Variants in TNRC6B observed in about 807,000 individuals in gnomAD.
The protein encoded by TNRC6B is trinucleotide repeat-containing gene 6B protein.
In TNRC6B, 52 loss-of-function variants were observed where a neutral mutation model predicts 203.6. That is an observed-to-expected ratio of 0.26 (90% CI 0.20 to 0.32). TNRC6B has a LOEUF of 0.32. Among genes scored for constraint, TNRC6B ranks in the 10% least tolerant of loss-of-function variants. The pLI is 1.00. For missense variants in TNRC6B, 1,923 were observed against 2,286.2 expected (o/e 0.84, Z 3.24); for synonymous variants, 838 against 845.7 (o/e 0.99, Z 0.16).
At chr22:40,200,176 C>G (rs903396848) in intron 1 of TNRC6B, among the ~76,000 whole-genome samples, 1 of 151,634 alleles carries the variant, frequency 6.6e-6, no homozygotes, top group Non-Finnish European at 1.5e-5. Flanking sequence ...GACAACTTCC[C>G]CTCAATGGTT....
intron 1 of TNRC6B, among the ~76,000 whole-genome samples, chr22:40,216,669 AT>A (rs1328429565): frequency 6.6e-6 from 1 of 152,146 alleles, no homozygotes; most frequent in Non-Finnish European, 1.5e-5. Context: ...GTTCTTTCTA[AT>A]TTTTTAGAAA....
At chr22:40,158,108 C>T (rs961496805) in intron 4 of TNRC6B, among the ~76,000 whole-genome samples, 4 of 152,010 alleles carry the variant, frequency 2.6e-5, no homozygotes, top group East Asian at 1.9e-4. Flanking sequence ...GAGGCCAAGG[C>T]GAGTGGATCA....
chr22:40,217,914 A>C (rs1411778842), intron 1 of TNRC6B, among the ~76,000 whole-genome samples: 1 of 149,360 alleles, frequency 6.7e-6, no homozygotes, highest in African/African-American at 2.4e-5. Context: ...CAGAGGTTGC[A>C]GTGAGCCGAG....
intron 1 of TNRC6B, among the ~76,000 whole-genome samples, chr22:40,090,486 T>A (rs1011062768): frequency 2.0e-5 from 3 of 152,100 alleles, no homozygotes; most frequent in Non-Finnish European, 4.4e-5. Flanking sequence ...TCTGTATATC[T>A]TCTTCAGTGA....
upstream of TNRC6B, among the ~76,000 whole-genome samples, chr22:40,175,016 A>G (rs2069042599): frequency 1.3e-5 from 2 of 152,120 alleles, no homozygotes; most frequent in African/African-American, 4.8e-5. Context: ...GACTAATTGT[A>G]TTAAATTTAG....
In TNRC6B at chr22:40,060,170, A is replaced by G. The variant is rs2067837537; in HGVS notation, c.-121+15172A>G. 2.0e-5 allele frequency among the ~76,000 whole-genome samples: 3 copies of G among 149,794 alleles called. No individual in the cohort carries two copies. The East Asian group carries it at 5.8e-4, about 29-fold the overall frequency. ...TTTTTTTTTTTTTTTAATTTAGCAAAAAAAGTTTTAACATAAAAAATGCAC... is the reference window on the plus strand; with the variant it reads ...TTTTTTTTTTTTTTTAATTTAGCAAGAAAAGTTTTAACATAAAAAATGCAC... On this transcript the variant is annotated intron_variant, in intron 1 of 23. Coordinates refer to the TNRC6B transcript ENST00000301923.
intron 12 of TNRC6B, among the ~76,000 whole-genome samples, chr22:40,290,762 G>A (rs2070859818): frequency 6.6e-6 from 1 of 152,030 alleles, no homozygotes; most frequent in African/African-American, 2.4e-5. Flanking sequence ...TGGGCCTGCT[G>A]TGTTCACTGC....
At chr22:40,290,749 G>T (rs1351950881) in intron 12 of TNRC6B, among the ~76,000 whole-genome samples, 1 of 152,116 alleles carries the variant, frequency 6.6e-6, no homozygotes, top group South Asian at 2.1e-4. Context: ...CAGTGGCAGG[G>T]TCTGGGCCTG....
chr22:40,257,328 A>T (rs966782417), intron 3 of TNRC6B, among the ~76,000 whole-genome samples: 3 of 152,170 alleles, frequency 2.0e-5, no homozygotes, highest in African/African-American at 4.8e-5. Context: ...GGCAATTGGA[A>T]GTTTAAACTG....
At chr22:40,235,359 G>T (rs1331034160) in intron 1 of TNRC6B, among the ~76,000 whole-genome samples, 1 of 152,128 alleles carries the variant, frequency 6.6e-6, no homozygotes, top group Non-Finnish European at 1.5e-5. Context: ...CATGGAACTG[G>T]GGGTCCCGTG....
intron 1 of TNRC6B, among the ~76,000 whole-genome samples, chr22:40,048,932 G>GC (rs1267010438): frequency 1.3e-5 from 2 of 151,608 alleles, no homozygotes; most frequent in Non-Finnish European, 2.9e-5. Context: ...CCTCTGCCCC[G>GC]CTCCCCCCTC....
intron 1 of TNRC6B, among the ~76,000 whole-genome samples, chr22:40,216,034 G>A (rs371071801): frequency 1.3e-5 from 2 of 152,202 alleles, no homozygotes; most frequent in African/African-American, 4.8e-5. Flanking sequence ...TTACAAGCCT[G>A]GTCTCATCTC....
At chr22:40,073,512 G>A (rs142612770) in intron 1 of TNRC6B, among the ~76,000 whole-genome samples, 96 of 152,100 alleles carry the variant, frequency 6.3e-4, no homozygotes, top group African/African-American at 2.1e-3. Flanking sequence ...GGGGTGCTGG[G>A]AACTATGACA....
At chr22:40,074,728 G>A (rs867091394) in intron 1 of TNRC6B, among the ~76,000 whole-genome samples, 13 of 151,932 alleles carry the variant, frequency 8.6e-5, no homozygotes, top group Middle Eastern at 6.8e-3. Context: ...GCAGTGAGCC[G>A]AGATCACGCC....
Position 40,278,047 on chromosome 22 carries a change from G to T in TNRC6B, c.3262+3G>T. The T allele has an allele frequency of 6.4e-7, 1 of 1,560,312 alleles. No individual in the cohort carries two copies. Among genetic ancestry groups the T allele is most frequent in the African/African-American group, 1.3e-5 (1 of 74,192 alleles). ...CAGCAAAATGGATTTGTCTGTAGGT[G>T]TGTATCACTCCGCTGAAAAGAATGG... On this transcript the variant is annotated splice_donor_region_variant and intron_variant, in intron 9 of 22. Transcript: ENST00000454349.
rs570164925 is a variant in TNRC6B, at chr22:40,104,771, C to G, written c.-120-12284C>G. ...CCTGGTGCATACTCTGTTCCAGGCA[C>G]ATTCCAAAAATTTTACATATGTTTA... On this transcript the variant is annotated intron_variant, in intron 1 of 23. Transcript: ENST00000301923. Among the ~76,000 whole-genome samples the G allele has an allele frequency of 3.3e-5, 5 of 152,258 alleles. No individual in the cohort carries two copies. The South Asian group carries it at 8.3e-4, about 25-fold the overall frequency.
intron 6 of TNRC6B, among the ~76,000 whole-genome samples, chr22:40,272,928 C>G (rs1011123389): frequency 2.0e-4 from 31 of 152,156 alleles, no homozygotes; most frequent in African/African-American, 5.3e-4. Flanking sequence ...AAAAATTTTC[C>G]CCCTTTTCAT....
rs565848471 is a variant in TNRC6B, at chr22:40,151,865, GAAGAAAGA to G, written c.46-4240_46-4233del. 1.0e-4 allele frequency among the ~76,000 whole-genome samples: 8 copies of G among 78,070 alleles called. No individual in the cohort carries two copies. In the South Asian group the frequency reaches 2.9e-3, roughly 28 times the overall value. The allele number at this position is 78,070 out of a possible 152,430, so 51.2% of individuals were successfully genotyped here. Reference sequence around the variant, plus strand: ...AATGAAGAAAGAGAAAGAAAAGAAAGAAGAAAGAAAGAAAGAAGAAAGAAAGCAAATCA... The same window carrying G: ...AATGAAGAAAGAGAAAGAAAAGAAAGAAGAAAGAAGAAAGAAAGCAAATCA... On this transcript the variant is annotated intron_variant, in intron 3 of 23. Transcript: ENST00000301923.
intron 1 of TNRC6B, among the ~76,000 whole-genome samples, chr22:40,211,502 G>C (rs973397688): frequency 1.3e-5 from 2 of 152,094 alleles, no homozygotes; most frequent in East Asian, 3.8e-4. Flanking sequence ...GGTGCTTTAC[G>C]TATATCATTT....
Sources: gnomAD v4.1 joint callset for allele counts (sites outside exome capture counted in the v4.1 genomes callset) on GRCh38, gnomAD v4.1.1 for gene constraint, MANE v1.5 for transcripts, NCBI Gene and HGNC (gene_info 2026-07-23, HGNC 2026-07-21) for gene names.